The following FARSB variants were observed in gnomAD, a reference collection of about 807,000 sequenced individuals.
FARSB encodes phenylalanine--tRNA ligase beta subunit.
A neutral mutation model predicts 69.6 loss-of-function variants in FARSB; 40 were observed. The ratio of observed to expected loss-of-function variants is 0.57; its 90% CI spans 0.45 to 0.75. The LOEUF is 0.75. Among genes scored for constraint, FARSB ranks in the 30% least tolerant of loss-of-function variants. FARSB has a pLI of 0.00. For missense variants in FARSB, 632 were observed against 722.9 expected (o/e 0.87, Z 1.44); for synonymous variants, 235 against 247.2 (o/e 0.95, Z 0.46).
At chr2:222,605,161 TTCTCTCTCTC>T (rs71053093) in intron 15 of FARSB, among the ~76,000 whole-genome samples, 5 of 132,674 alleles carry the variant, frequency 3.8e-5, no homozygotes, top group African/African-American at 1.5e-4. Context: ...AATACAAACT[TTCTCTCTCTC>T]TCTCTCTCTC....
intron 8 of FARSB, among the ~76,000 whole-genome samples, chr2:222,630,755 T>C (rs1310533792): frequency 6.6e-6 from 1 of 152,172 alleles, no homozygotes; most frequent in Non-Finnish European, 1.5e-5. Flanking sequence ...TTCACTCCTA[T>C]ATATACAGGC....
chr2:222,611,847 C>T (rs1021401303), intron 15 of FARSB, among the ~76,000 whole-genome samples: 1 of 152,170 alleles, frequency 6.6e-6, no homozygotes, highest in Non-Finnish European at 1.5e-5. Context: ...TCCTCACCCG[C>T]ACCCTCTGCC....
chr2:222,600,040 G>A lies in FARSB; in HGVS notation c.1506C>T (p.Tyr502=). 1.2e-6 allele frequency: 2 copies of A among 1,610,806 alleles called. No individual in the cohort carries two copies. The highest frequency in any genetic ancestry group is 1.7e-6 in the Non-Finnish European group (2 of 1,179,188). The stretch of plus-strand genomic sequence containing the variant: ...TGATCTCAAACCCAGGATTCTTGTT[G>A]TAATAAACAGCACAGAGATGTCTGT... ...KNYRHLCAVY[Y]NKNPGFEIIH... is the part of the protein sequence containing the mutation. The change falls in exon 16 of 17, where the codon TAC becomes TAT. Residue 502 remains tyrosine, a synonymous_variant. Transcript: ENST00000281828.
chr2:222,591,351 C>G (rs906164032), intron 16 of FARSB, among the ~76,000 whole-genome samples: 3 of 152,022 alleles, frequency 2.0e-5, no homozygotes, highest in Admixed American at 6.6e-5. Context: ...TGTCAAAAAC[C>G]TTCAAGCACC....
chr2:222,632,840 C>CAAAAAAAAAAAAAAAA (rs780438070), intron 7 of FARSB, among the ~76,000 whole-genome samples: 1 of 123,864 alleles, frequency 8.1e-6, no homozygotes, highest in African/African-American at 3.0e-5. Context: ...ACAACAACAA[C>CAAAAAAAAAAAAAAAA]AAAAAAAAAA....
intron 13 of FARSB, among the ~76,000 whole-genome samples, chr2:222,621,100 A>G (rs1340321353): frequency 1.3e-5 from 2 of 152,236 alleles, no homozygotes; most frequent in Non-Finnish European, 2.9e-5. Context: ...TGCAACTGAC[A>G]TGAAGCAATC....
chr2:222,652,501 G>A (rs1273680372), intron 1 of FARSB, among the ~76,000 whole-genome samples: 2 of 152,128 alleles, frequency 1.3e-5, no homozygotes, highest in Non-Finnish European at 2.9e-5. Flanking sequence ...GTCTATCCTC[G>A]GCACTCTCTT....
intron 15 of FARSB, among the ~76,000 whole-genome samples, chr2:222,607,789 CTCCTA>C (rs1690741453): frequency 6.6e-6 from 1 of 151,696 alleles, no homozygotes; most frequent in Non-Finnish European, 1.5e-5. Context: ...TTAAAATGCC[CTCCTA>C]TATTATAGCA....
In FARSB at chr2:222,580,957, G is replaced by A. The variant is rs116752951; in HGVS notation, c.1619-8935C>T. Reference sequence around the variant, plus strand: ...CCCTACAAGACAGGAAGGGCCAGGGGGTCTTGAGACATTTTACTTGGCCTC... The same window carrying A: ...CCCTACAAGACAGGAAGGGCCAGGGAGTCTTGAGACATTTTACTTGGCCTC... On this transcript the variant is annotated intron_variant, in intron 16 of 16. Coordinates refer to ENST00000281828, the MANE Select transcript of FARSB (RefSeq NM_005687.5). 7.6e-3 allele frequency among the ~76,000 whole-genome samples: 1,150 copies of A among 152,140 alleles called. 13 individuals are homozygous for A. The highest frequency in any genetic ancestry group is 0.027 in the African/African-American group (1,112 of 41,494).
At chr2:222,628,764 G>C in intron 10 of FARSB, 73 bp downstream of exon 10, 2 of 1,035,412 alleles carry the variant, frequency 1.9e-6, no homozygotes, top group Non-Finnish European at 3.0e-6. Context: ...TAGACAGACA[G>C]AACATGAGTG....
intron 2 of FARSB, among the ~76,000 whole-genome samples, chr2:222,646,318 G>A (rs953887877): frequency 6.7e-6 from 1 of 149,902 alleles, no homozygotes; most frequent in Non-Finnish European, 1.5e-5. Context: ...GAACAGCTGG[G>A]AGCAGATAAA....
Position 222,599,932 on chromosome 2 carries a change from T to C in FARSB, c.1614A>G (p.Ser538=). 6.3e-7 allele frequency: 1 copy of C among 1,595,148 alleles called. No individual in the cohort carries two copies. Among genetic ancestry groups the C allele is most frequent in the East Asian group, 2.3e-5 (1 of 44,136 alleles). ...GATTCGGCTCATCTGTCTTACCTTC[T>C]GATGCTTTGATCACATATCCCCCCT... ...EDKGGYVIKA[S]EGPAFFPGRC... Residue 538 remains serine (S), a synonymous_variant, in exon 16 of 17, where the codon TCA becomes TCG. Transcript: ENST00000281828.
chr2:222,581,970 T>A (rs918589019), intron 16 of FARSB, among the ~76,000 whole-genome samples: 1 of 152,192 alleles, frequency 6.6e-6, no homozygotes, highest in Non-Finnish European at 1.5e-5. Context: ...TGCTGCAGCG[T>A]TTGTACAACG....
chr2:222,624,821 C>T (rs757182694), intron 10 of FARSB, 46 bp from the exon 11 acceptor site: 9 of 1,218,334 alleles, frequency 7.4e-6, no homozygotes, highest in Middle Eastern at 1.9e-4. Context: ...CCATCAGATA[C>T]AGCTTTAGAG....
chr2:222,573,844 G>A (rs896552944), intron 16 of FARSB, among the ~76,000 whole-genome samples: 2 of 152,136 alleles, frequency 1.3e-5, no homozygotes, highest in African/African-American at 4.8e-5. Flanking sequence ...CAACGGGTAC[G>A]TGTTCAAGTT....
chr2:222,610,161 T>G (rs1218707401), intron 15 of FARSB, among the ~76,000 whole-genome samples: 1 of 152,226 alleles, frequency 6.6e-6, no homozygotes, highest in African/African-American at 2.4e-5. Context: ...CAATGTGCTG[T>G]GCTGAATGAG....
At chr2:222,618,431 A>G (rs1303365600) in intron 14 of FARSB, among the ~76,000 whole-genome samples, 2 of 152,194 alleles carry the variant, frequency 1.3e-5, no homozygotes, top group South Asian at 2.1e-4. Flanking sequence ...TTAAAATATA[A>G]CCTTCCAGTT....
At chr2:222,574,456 G>A (rs1165114534) in intron 16 of FARSB, among the ~76,000 whole-genome samples, 1 of 152,188 alleles carries the variant, frequency 6.6e-6, no homozygotes, top group African/African-American at 2.4e-5. Context: ...GGCCACTGCA[G>A]CATCTCAAAC....
chr2:222,623,144 G>A (rs569194501), intron 13 of FARSB, among the ~76,000 whole-genome samples: 2 of 152,250 alleles, frequency 1.3e-5, no homozygotes, highest in African/African-American at 4.8e-5. Context: ...TGGTGGGGGA[G>A]GGAAATTTCC....
Sources: allele counts gnomAD v4.1 joint callset (sites outside exome capture counted in the v4.1 genomes callset), GRCh38; gene constraint gnomAD v4.1.1; transcripts MANE v1.5; gene names NCBI Gene and HGNC (gene_info 2026-07-23, HGNC 2026-07-21).